TBC1D22A: variants seen among roughly 807,000 people sequenced by gnomAD.
The protein encoded by TBC1D22A is TBC1 domain family member 22A, also known as putative GTPase activator.
A neutral mutation model predicts 60.2 loss-of-function variants in TBC1D22A; 38 were observed. That is an observed-to-expected ratio of 0.63 (90% CI 0.49 to 0.83). The LOEUF is 0.83. Among genes scored for constraint, TBC1D22A ranks in the 40% least tolerant of loss-of-function variants. TBC1D22A has a pLI of 0.00. For synonymous variants in TBC1D22A, 302 were observed against 281.7 expected, an observed-to-expected ratio of 1.07 and a Z score of -0.72; for missense variants, 628 against 701.0, an observed-to-expected ratio of 0.90 and a Z score of 1.18.
intron 12 of TBC1D22A, among the ~76,000 whole-genome samples, chr22:47,167,075 T>C (rs1321058233): frequency 6.6e-6 from 1 of 152,252 alleles, no homozygotes; most frequent in Non-Finnish European, 1.5e-5. Context: ...TTGAAAAGAT[T>C]AGAATTTATG....
intron 12 of TBC1D22A, among the ~76,000 whole-genome samples, chr22:47,163,165 C>A (rs968943712): frequency 2.6e-5 from 4 of 152,138 alleles, no homozygotes; most frequent in African/African-American, 9.7e-5. Flanking sequence ...CCCCGCCCGG[C>A]CCCTGGCTGC....
chr22:46,812,478 C>T (rs17762163), intron 4 of TBC1D22A, among the ~76,000 whole-genome samples: 11,224 of 152,282 alleles, frequency 0.074, 583 homozygotes, highest in Non-Finnish European at 0.11. Context: ...GGGGCTCCCA[C>T]GGGTTGGTCA....
At chr22:46,999,891 G>T (rs1020317152) in intron 10 of TBC1D22A, among the ~76,000 whole-genome samples, 1 of 152,138 alleles carries the variant, frequency 6.6e-6, no homozygotes, top group Non-Finnish European at 1.5e-5. Context: ...CGGGCGTGGT[G>T]GCAGGCGCCT....
rs1035504211 is a variant in TBC1D22A at position 46,762,767 on chromosome 22, C to T, written c.-20C>T. ...CACTCGGGGTGTCTGGGCCGCGGGT[C>T]TGAGGGATGAGGAGGGGCCATGGCC... On this transcript the variant is annotated 5_prime_UTR_variant, in exon 1 of 13. Transcript: ENST00000337137. The T allele has an allele frequency of 7.0e-7, 1 of 1,430,706 alleles. No individual in the cohort carries two copies. The highest frequency in any genetic ancestry group is 1.5e-5 in the African/African-American group (1 of 65,614). 88.6% of individuals were successfully genotyped at this position (1,430,706 alleles called of 1,614,324 possible). A position where few individuals can be genotyped will look rare whatever the true frequency, so the allele number is the denominator to read the frequency against.
intron 8 of TBC1D22A, among the ~76,000 whole-genome samples, chr22:46,949,742 G>A: frequency 6.6e-6 from 1 of 152,240 alleles, no homozygotes; most frequent in Non-Finnish European, 1.5e-5. Flanking sequence ...TAAGAAGAAA[G>A]AACTGAGAAA....
At chr22:47,146,412 A>G (rs1318615022) in intron 12 of TBC1D22A, among the ~76,000 whole-genome samples, 2 of 152,200 alleles carry the variant, frequency 1.3e-5, no homozygotes, top group Non-Finnish European at 2.9e-5. Flanking sequence ...ACAGCAGAAG[A>G]GACGTTAGAA....
intron 12 of TBC1D22A, among the ~76,000 whole-genome samples, chr22:47,165,149 G>T (rs966938884): frequency 6.6e-6 from 1 of 152,098 alleles, no homozygotes; most frequent in Admixed American, 6.5e-5. Flanking sequence ...AAGTGTGGCC[G>T]TCGTCCCCTG....
intron 1 of TBC1D22A, chr22:46,774,030 C>A: frequency 4.1e-6 from 4 of 985,564 alleles, no homozygotes; most frequent in Non-Finnish European, 4.8e-6. Context: ...GACTCACTCA[C>A]CAGGAATCTG....
intron 4 of TBC1D22A, among the ~76,000 whole-genome samples, chr22:46,812,330 C>A (rs1485723038): frequency 6.6e-6 from 1 of 152,192 alleles, no homozygotes; most frequent in Non-Finnish European, 1.5e-5. Context: ...TCTCTGCACC[C>A]CCTGTGGGCA....
chr22:47,044,990 C>T lies in TBC1D22A; in HGVS notation c.1329+7792C>T, dbSNP rs562055924. Among the ~76,000 whole-genome samples the T allele has an allele frequency of 1.6e-4, 24 of 152,310 alleles. No individual in the cohort carries two copies. In the South Asian group the frequency reaches 3.7e-3, roughly 24 times the overall value. On this transcript the variant is annotated intron_variant, in intron 11 of 12. Coordinates refer to ENST00000337137, the MANE Select transcript of TBC1D22A (RefSeq NM_014346.5). ...TGAAGGCCCTGAGGTCTGGTCTGGGCGCCTCCAGGAAAGAATGACTCTCCA... is the reference window on the plus strand; with the variant it reads ...TGAAGGCCCTGAGGTCTGGTCTGGGTGCCTCCAGGAAAGAATGACTCTCCA...
intron 10 of TBC1D22A, among the ~76,000 whole-genome samples, chr22:47,002,828 T>TG (rs1464768209): frequency 6.6e-6 from 1 of 152,146 alleles, no homozygotes; most frequent in Non-Finnish European, 1.5e-5. Flanking sequence ...GAGGCCCTCA[T>TG]GGGTCAGGAG....
intron 10 of TBC1D22A, among the ~76,000 whole-genome samples, chr22:47,022,892 T>C (rs1288046416): frequency 1.3e-5 from 2 of 152,270 alleles, no homozygotes; most frequent in African/African-American, 2.4e-5. Flanking sequence ...AATGACTTAA[T>C]TGCATCCCAG....
rs949110367 is a variant in TBC1D22A, at chr22:47,028,281, C to T, written c.1202-8790C>T. 2.6e-5 allele frequency among the ~76,000 whole-genome samples: 4 copies of T among 152,224 alleles called. No homozygotes were observed. Among genetic ancestry groups the T allele is most frequent in the African/African-American group, 9.6e-5 (4 of 41,458 alleles). On this transcript the variant is annotated intron_variant, in intron 10 of 12. Coordinates refer to ENST00000337137, the MANE Select transcript of TBC1D22A (RefSeq NM_014346.5). This position sits in a 1 kb window ranked among gnomAD's most constrained non-coding sequence, Gnocchi z 4.4. ...ACCTGCCAGGAGGATTTATTTCATT[C>T]TGCACTCATGTTTACTGAGATTCTG...
chr22:46,826,858 G>C (rs1366058105), intron 4 of TBC1D22A, among the ~76,000 whole-genome samples: 1 of 152,164 alleles, frequency 6.6e-6, no homozygotes, highest in Non-Finnish European at 1.5e-5. Context: ...ACTTGTGGAC[G>C]CTGTGCAGGA....
At chr22:47,067,651 G>A (rs901476043) in intron 11 of TBC1D22A, among the ~76,000 whole-genome samples, 2 of 152,218 alleles carry the variant, frequency 1.3e-5, no homozygotes, top group African/African-American at 4.8e-5. Context: ...GGGAGGTGGT[G>A]TCAGGGATCA....
chr22:46,963,218 G>A (rs142501345), intron 8 of TBC1D22A, among the ~76,000 whole-genome samples: 1,202 of 95,356 alleles, frequency 0.013, 14 homozygotes, highest in African/African-American at 0.053. Flanking sequence ...GCAAGACTCC[G>A]TCTCAAAAAA....
intron 11 of TBC1D22A, among the ~76,000 whole-genome samples, chr22:47,096,737 G>C (rs1291889990): frequency 1.3e-5 from 2 of 152,156 alleles, no homozygotes; most frequent in Non-Finnish European, 2.9e-5. Flanking sequence ...CAGGAGAATT[G>C]CTTGAACCTG....
intron 12 of TBC1D22A, among the ~76,000 whole-genome samples, chr22:47,122,076 C>T (rs370953735): frequency 6.6e-5 from 10 of 152,190 alleles, no homozygotes; most frequent in African/African-American, 2.2e-4. Context: ...AGGCAAGAGG[C>T]GTGCCCTGCT....
chr22:46,795,334 C>G (rs2084605439), intron 3 of TBC1D22A, among the ~76,000 whole-genome samples: 1 of 152,230 alleles, frequency 6.6e-6, no homozygotes, highest in Admixed American at 6.5e-5. Context: ...CCCCCTACCC[C>G]CAAGATGCAG....
Sources: gnomAD v4.1 joint callset for allele counts (sites outside exome capture counted in the v4.1 genomes callset) on GRCh38, gnomAD v4.1.1 for gene constraint, Gnocchi (gnomAD v3.1) non-coding constraint, MANE v1.5 for transcripts, NCBI Gene and HGNC (gene_info 2026-07-23, HGNC 2026-07-21) for gene names.